TUSC3: variants seen among roughly 807,000 people sequenced by gnomAD.
The protein encoded by TUSC3 is tumor suppressor candidate 3.
TUSC3 carries 45 observed loss-of-function variants against 44.8 expected under a neutral mutation model. The observed-to-expected ratio is 1.00, with a 90% CI of 0.79 to 1.29. The LOEUF (loss-of-function observed/expected upper bound fraction) is 1.29, where lower values mean the gene tolerates loss of function less well. Ranked by LOEUF, TUSC3 falls within the 50% of genes most tolerant of loss-of-function variation. The probability of loss-of-function intolerance (pLI) is 0.00; values close to 1 mark genes in which losing one functional copy is unlikely to be tolerated. For synonymous variants in TUSC3, 212 were observed against 152.9 expected, an observed-to-expected ratio of 1.39 and a Z score of -2.85; for missense variants, 519 against 437.9, an observed-to-expected ratio of 1.19 and a Z score of -1.65.
chr8:15,693,008 T>C (rs899606072), intron 6 of TUSC3, among the ~76,000 whole-genome samples: 16 of 152,202 alleles, frequency 1.1e-4, no homozygotes, highest in African/African-American at 3.1e-4. Context: ...ATTTGCTTGG[T>C]AGATTTTCCT....
At chr8:15,558,591 C>T (rs1329503385) in intron 1 of TUSC3, among the ~76,000 whole-genome samples, 1 of 76,698 alleles carries the variant, frequency 1.3e-5, no homozygotes, top group African/African-American at 3.8e-5. Context: ...GTACCAGTTC[C>T]TCCTTGTATC....
chr8:15,457,988 T>G (rs1355598567), intron 1 of TUSC3, among the ~76,000 whole-genome samples: 1 of 151,772 alleles, frequency 6.6e-6, no homozygotes, highest in East Asian at 1.9e-4. Context: ...GATAAACACA[T>G]GCAACATAAT....
At chr8:15,602,771 G>C (rs1786958680) in intron 1 of TUSC3, among the ~76,000 whole-genome samples, 1 of 151,028 alleles carries the variant, frequency 6.6e-6, no homozygotes, top group East Asian at 1.9e-4. Flanking sequence ...TATGTAGTAT[G>C]AGTTTAACTT....
At chr8:15,705,693 T>G (rs1465320335) in intron 6 of TUSC3, among the ~76,000 whole-genome samples, 10 of 152,044 alleles carry the variant, frequency 6.6e-5, no homozygotes, top group Admixed American at 6.6e-5. Context: ...TCTCTTCATC[T>G]CTTCAATATT....
the TUSC3 span, among the ~76,000 whole-genome samples, chr8:15,851,313 C>G: frequency 6.6e-6 from 1 of 152,220 alleles, no homozygotes; most frequent in Middle Eastern, 3.4e-3. Flanking sequence ...AGACAAAAGT[C>G]CCTGGTCTTA....
intron 1 of TUSC3, among the ~76,000 whole-genome samples, chr8:15,436,788 C>A (rs1799952408): frequency 6.6e-6 from 1 of 152,152 alleles, no homozygotes; most frequent in African/African-American, 2.4e-5. Flanking sequence ...AGCTGTAAGA[C>A]TGTCTTACAG....
chr8:15,498,677 C>G (rs976441912), intron 2 of TUSC3, among the ~76,000 whole-genome samples: 1 of 152,164 alleles, frequency 6.6e-6, no homozygotes, highest in African/African-American at 2.4e-5. Flanking sequence ...TAGTCAAGCT[C>G]AGAAACAATG....
At chr8:15,775,587 C>A in the TUSC3 span, among the ~76,000 whole-genome samples, 2 of 151,222 alleles carry the variant, frequency 1.3e-5, no homozygotes, top group Non-Finnish European at 2.9e-5. Flanking sequence ...TTAGCCTTGT[C>A]ATGACCAAAA....
chr8:15,614,239 C>T (rs954325657), intron 1 of TUSC3, among the ~76,000 whole-genome samples: 17 of 151,934 alleles, frequency 1.1e-4, no homozygotes, highest in Non-Finnish European at 7.4e-5. Context: ...TGAGTCTAGG[C>T]TGAGATGGGG....
At chr8:15,763,399 T>G (rs1298974722) in intron 10 of TUSC3, among the ~76,000 whole-genome samples, 2 of 151,942 alleles carry the variant, frequency 1.3e-5, no homozygotes, top group South Asian at 2.1e-4. Flanking sequence ...TTTGATGTTG[T>G]TGTTTTTTGT....
chr8:15,724,826 A>T (rs1339454774), intron 6 of TUSC3, among the ~76,000 whole-genome samples: 2 of 152,214 alleles, frequency 1.3e-5, no homozygotes, highest in Non-Finnish European at 2.9e-5. Context: ...ATTTGCATAA[A>T]ACTGCATGAC....
chr8:15,473,737 A>G (rs971477180), intron 1 of TUSC3, among the ~76,000 whole-genome samples: 2 of 152,182 alleles, frequency 1.3e-5, no homozygotes, highest in Non-Finnish European at 2.9e-5. Context: ...ACAAGATCAC[A>G]TGCTTCAAAG....
chr8:15,696,982 T>G (rs920921480), intron 6 of TUSC3, among the ~76,000 whole-genome samples: 2 of 152,166 alleles, frequency 1.3e-5, no homozygotes, highest in Non-Finnish European at 2.9e-5. Flanking sequence ...TTGTTATTGG[T>G]CTGCTCAGGG....
chr8:15,517,036 C>T (rs766146539), intron 2 of TUSC3, among the ~76,000 whole-genome samples: 30 of 152,102 alleles, frequency 2.0e-4, no homozygotes, highest in Non-Finnish European at 3.8e-4. Context: ...GGTACCAGGG[C>T]TTAGATCCTT....
chr8:15,589,145 G>A (rs1563306160), intron 1 of TUSC3, among the ~76,000 whole-genome samples: 1 of 152,040 alleles, frequency 6.6e-6, no homozygotes, highest in Non-Finnish European at 1.5e-5. Flanking sequence ...CACCCTTTTG[G>A]TTTCCATTTA....
intron 1 of TUSC3, among the ~76,000 whole-genome samples, chr8:15,565,341 G>C (rs1802626847): frequency 6.6e-6 from 1 of 152,038 alleles, no homozygotes. Context: ...GGCTAATATA[G>C]GATAATCTCT....
chr8:15,447,618 T>A (rs899765363), intron 1 of TUSC3, among the ~76,000 whole-genome samples: 2 of 152,048 alleles, frequency 1.3e-5, no homozygotes, highest in Non-Finnish European at 2.9e-5. Flanking sequence ...CTGTCACTTT[T>A]GACTTTCTTG....
intron 1 of TUSC3, among the ~76,000 whole-genome samples, chr8:15,457,129 G>A (rs1239450010): frequency 7.0e-6 from 1 of 143,340 alleles, no homozygotes; most frequent in East Asian, 2.2e-4. Context: ...AGAACACATG[G>A]ACACAGGAAG....
upstream of TUSC3, chr8:15,417,210 T>G (rs1169701238): frequency 6.6e-6 from 1 of 152,468 alleles, no homozygotes; most frequent in African/African-American, 2.4e-5. Flanking sequence ...CTGCTCTGGC[T>G]GTGTGAAGAT....
Sources: allele counts gnomAD v4.1 joint callset (sites outside exome capture counted in the v4.1 genomes callset), GRCh38; gene constraint gnomAD v4.1.1; transcripts MANE v1.5; gene names NCBI Gene and HGNC (gene_info 2026-07-23, HGNC 2026-07-21).